PLSCR1: variants seen among roughly 807,000 people sequenced by gnomAD.
The protein encoded by PLSCR1 is PL scramblase 1.
PLSCR1 carries 17 observed loss-of-function variants against 37.8 expected under a neutral mutation model. That is an observed-to-expected ratio of 0.45 (90% CI 0.31 to 0.68). The LOEUF is 0.68. Among genes scored for constraint, PLSCR1 ranks in the 30% least tolerant of loss-of-function variants. The pLI, the probability that PLSCR1 is intolerant of heterozygous loss-of-function variation, is 0.06. For synonymous variants in PLSCR1, 116 were observed against 125.9 expected (o/e 0.92, Z 0.53); for missense variants, 347 against 380.9 (o/e 0.91, Z 0.74).
At chr3:146,538,792 C>G (rs1040571424) in intron 1 of PLSCR1, among the ~76,000 whole-genome samples, 1 of 151,960 alleles carries the variant, frequency 6.6e-6, no homozygotes, top group Non-Finnish European at 1.5e-5. Context: ...ATCTATACAT[C>G]TGAAATAGAA....
rs1317856956 is a variant in PLSCR1 at position 146,516,004 on chromosome 3, A to G, written c.*41T>C. 7.7e-7 allele frequency: 1 copy of G among 1,298,352 alleles called. No homozygotes were observed. The highest frequency in any genetic ancestry group is 2.3e-5 in the East Asian group (1 of 43,222). 80.4% of individuals were successfully genotyped at this position (1,298,352 alleles called of 1,614,324 possible). A position where few individuals can be genotyped will look rare whatever the true frequency, so the allele number is the denominator to read the frequency against. Reference sequence around the variant, plus strand: ...ATGAGTTTAGATAGTCTCAATCAATATACAGACTTCAGATTTCCTGAGGAG... The same window carrying G: ...ATGAGTTTAGATAGTCTCAATCAATGTACAGACTTCAGATTTCCTGAGGAG... On this transcript the variant is annotated 3_prime_UTR_variant, in exon 9 of 9. Transcript: ENST00000342435.
Position 146,536,570 on chromosome 3 carries a change from A to G in PLSCR1, c.-13-5T>C. The G allele has an allele frequency of 6.8e-7, 1 of 1,467,102 alleles. No individual in the cohort carries two copies. The allele number at this position is 1,467,102 out of a possible 1,614,324, so 90.9% of individuals were successfully genotyped here. The stretch of plus-strand genomic sequence containing the variant: ...TTGTCCATGATTAAAACAGTTCTGA[A>G]AAAGAAGATCTGACATTAACACACT... On this transcript the variant is annotated splice_region_variant and splice_polypyrimidine_tract_variant and intron_variant, in intron 1 of 8. Coordinates refer to ENST00000342435, the MANE Select transcript of PLSCR1 (RefSeq NM_021105.3).
At chr3:146,538,574 C>T (rs750983412) in intron 1 of PLSCR1, among the ~76,000 whole-genome samples, 17 of 152,066 alleles carry the variant, frequency 1.1e-4, no homozygotes, top group Non-Finnish European at 2.2e-4. Flanking sequence ...TGGCCTTTAA[C>T]CAATTTTAAC....
intron 7 of PLSCR1, among the ~76,000 whole-genome samples, chr3:146,518,350 C>A (rs1208525819): frequency 6.6e-6 from 1 of 152,140 alleles, no homozygotes; most frequent in African/African-American, 2.4e-5. Context: ...TAACATGCGC[C>A]TAAGTCAGTG....
At chr3:146,528,960 C>A (rs113437343) in intron 3 of PLSCR1, 129 bp from the exon 4 acceptor site, 3 of 655,160 alleles carry the variant, frequency 4.6e-6, no homozygotes, top group African/African-American at 3.6e-5. Flanking sequence ...ATGTTTAATA[C>A]GCTTTTCTCT....
At chr3:146,526,190 AAAAAAAAAAAAAAAG>A (rs2044108437) in intron 4 of PLSCR1, among the ~76,000 whole-genome samples, 1 of 142,884 alleles carries the variant, frequency 7.0e-6, no homozygotes, top group Non-Finnish European at 1.6e-5. Context: ...TCTCAAAAAA[AAAAAAAAAAAAAAAG>A]AAAGAAAAAA....
intron 7 of PLSCR1, 138 bp downstream of exon 7, chr3:146,521,406 G>T: frequency 1.3e-6 from 1 of 758,950 alleles, no homozygotes; most frequent in Non-Finnish European, 2.1e-6. Context: ...TCTGCCCAAA[G>T]TTAAATAAAT....
chr3:146,533,448 C>A, intron 3 of PLSCR1, 22 bp downstream of exon 3: 1 of 1,442,978 alleles, frequency 6.9e-7, no homozygotes, highest in Non-Finnish European at 9.7e-7. Context: ...TTTACTTTTT[C>A]TTCTTTCAGC....
chr3:146,541,993 CACA>C (rs1448338240), intron 1 of PLSCR1, among the ~76,000 whole-genome samples: 1 of 152,096 alleles, frequency 6.6e-6, no homozygotes, highest in Non-Finnish European at 1.5e-5. Context: ...AGTCATGCAC[CACA>C]ACAACAGATC....
At chr3:146,535,193 A>G (rs2044249918) in intron 2 of PLSCR1, among the ~76,000 whole-genome samples, 1 of 152,184 alleles carries the variant, frequency 6.6e-6, no homozygotes, top group Admixed American at 6.5e-5. Context: ...CTTGACAGGT[A>G]TGTCACATTG....
intron 5 of PLSCR1, among the ~76,000 whole-genome samples, chr3:146,522,784 C>T (rs796655330): frequency 2.7e-5 from 4 of 148,198 alleles, no homozygotes; most frequent in East Asian, 4.0e-4. Flanking sequence ...GGCAATGGAA[C>T]GTCTAGGTGT....
intron 1 of PLSCR1, among the ~76,000 whole-genome samples, chr3:146,537,058 T>C (rs1412666328): frequency 6.6e-6 from 1 of 151,936 alleles, no homozygotes; most frequent in Admixed American, 6.6e-5. Flanking sequence ...GAAATGTAGG[T>C]CTTGTGGACC....
intron 4 of PLSCR1, chr3:146,528,205 C>G (rs1291566937): frequency 6.1e-6 from 1 of 163,716 alleles, no homozygotes. Context: ...ATTAAAAAAA[C>G]AGTCTTGACT....
chr3:146,538,500 A>C (rs1476573146), intron 1 of PLSCR1, among the ~76,000 whole-genome samples: 1 of 152,162 alleles, frequency 6.6e-6, no homozygotes, highest in Non-Finnish European at 1.5e-5. Flanking sequence ...TAAAGTCTTT[A>C]CCTGCCCCTT....
chr3:146,521,486 A>G lies in PLSCR1; in HGVS notation c.738+58T>C, dbSNP rs2044018821. 6.2e-6 allele frequency: 9 copies of G among 1,440,412 alleles called. 1 individual carries two copies. The South Asian group carries it at 9.7e-5, about 16-fold the overall frequency. The allele number at this position is 1,440,412 out of a possible 1,614,324, so 89.2% of individuals were successfully genotyped here. A position where few individuals can be genotyped will look rare whatever the true frequency, so the allele number is the denominator to read the frequency against. ...TTAATGCATTTATAATGTCCTGCAAAATTACATTCTTCTTATATTAGGAAA... is the reference window on the plus strand; with the variant it reads ...TTAATGCATTTATAATGTCCTGCAAGATTACATTCTTCTTATATTAGGAAA... On this transcript the variant is annotated intron_variant, in intron 7 of 8. Transcript: ENST00000342435.
At chr3:146,528,060 TA>T (rs2044143897) in intron 4 of PLSCR1, 2 of 152,248 alleles carry the variant, frequency 1.3e-5, no homozygotes, top group African/African-American at 2.4e-5. Context: ...ATATTATACA[TA>T]AAATATTAAC....
At chr3:146,524,075 A>G (rs1054307176) in intron 5 of PLSCR1, among the ~76,000 whole-genome samples, 4 of 152,208 alleles carry the variant, frequency 2.6e-5, no homozygotes, top group African/African-American at 9.7e-5. Context: ...CTCTGCATTT[A>G]TAGGAACAAC....
At chr3:146,530,489 C>CA (rs936847777) in intron 3 of PLSCR1, among the ~76,000 whole-genome samples, 4 of 151,716 alleles carry the variant, frequency 2.6e-5, no homozygotes, top group Admixed American at 6.6e-5. Flanking sequence ...ACATTTAAAA[C>CA]AAAAAAAATT....
rs1249800061 is a variant in PLSCR1 at position 146,516,032 on chromosome 3, T to C, written c.*13A>G. 4 of 1,575,334 alleles carry C rather than the reference T, an allele frequency of 2.5e-6. No homozygotes were observed. In the South Asian group the frequency reaches 4.4e-5, roughly 17 times the overall value. On this transcript the variant is annotated 3_prime_UTR_variant, in exon 9 of 9. Transcript: ENST00000342435. ...CAGACTTCAGATTTCCTGAGGAGAC[T>C]TTCACTAATCCACTACCACACTCCT...
Sources: allele counts gnomAD v4.1 joint callset (sites outside exome capture counted in the v4.1 genomes callset), GRCh38; gene constraint gnomAD v4.1.1; transcripts MANE v1.5; gene names NCBI Gene and HGNC (gene_info 2026-07-23, HGNC 2026-07-21).